Variants in DLG2 observed in about 807,000 individuals in gnomAD.
DLG2 encodes the protein discs large MAGUK scaffold protein 2.
DLG2 carries 45 observed loss-of-function variants against 132.5 expected under a neutral mutation model. The ratio of observed to expected loss-of-function variants is 0.34; its 90% CI spans 0.27 to 0.44. The LOEUF (loss-of-function observed/expected upper bound fraction) is 0.44, where lower values mean the gene tolerates loss of function less well. Among genes scored for constraint, DLG2 ranks in the 20% least tolerant of loss-of-function variants. The pLI is 1.00. For synonymous variants in DLG2, 424 were observed against 419.6 expected (o/e 1.01, Z -0.13); for missense variants, 1,045 against 1,196.9 (o/e 0.87, Z 1.87).
In DLG2 at chr11:84,176,452, A is replaced by G. The variant is rs377508763; in HGVS notation, c.574-12941T>C. Among the ~76,000 whole-genome samples the G allele has an allele frequency of 2.7e-4, 41 of 151,326 alleles. No individual in the cohort carries two copies. In the East Asian group the frequency reaches 7.2e-3, roughly 26 times the overall value. On this transcript the variant is annotated intron_variant, in intron 8 of 27. Coordinates refer to ENST00000376104, the MANE Select transcript of DLG2 (RefSeq NM_001142699.3). ...TACATATATTCACATACGTATATGC[A>G]CGGGGCAGTTGTGTTCAATATTCAT... is the stretch of plus-strand genomic sequence containing the variant.
chr11:85,094,639 G>T (rs2069418844), intron 6 of DLG2, among the ~76,000 whole-genome samples: 1 of 152,190 alleles, frequency 6.6e-6, no homozygotes, highest in African/African-American at 2.4e-5. Flanking sequence ...GAGAATTAAA[G>T]AAACTTAGGG....
At chr11:84,446,122 T>A (rs921922716) in intron 7 of DLG2, among the ~76,000 whole-genome samples, 1 of 152,008 alleles carries the variant, frequency 6.6e-6, no homozygotes, top group African/African-American at 2.4e-5. Flanking sequence ...CTAATTACTA[T>A]TTTCTAATTT....
At chr11:84,540,492 G>C (rs1336047870) in intron 6 of DLG2, among the ~76,000 whole-genome samples, 2 of 152,124 alleles carry the variant, frequency 1.3e-5, no homozygotes, top group Non-Finnish European at 2.9e-5. Context: ...ACCACAATGA[G>C]ATACCATCTC....
At chr11:84,484,042 C>T (rs959009485) in intron 7 of DLG2, among the ~76,000 whole-genome samples, 14 of 152,208 alleles carry the variant, frequency 9.2e-5, no homozygotes, top group African/African-American at 3.1e-4. Context: ...AGGAGTCAGA[C>T]CATGAGGTCA....
chr11:83,517,272 G>A (rs1319812910), intron 21 of DLG2, among the ~76,000 whole-genome samples: 1 of 151,912 alleles, frequency 6.6e-6, no homozygotes. Flanking sequence ...TCATTCATTT[G>A]ATCTTCCATC....
chr11:84,952,433 C>A (rs904194285), intron 6 of DLG2, among the ~76,000 whole-genome samples: 1 of 152,074 alleles, frequency 6.6e-6, no homozygotes, highest in Non-Finnish European at 1.5e-5. Context: ...AGGAGAATGG[C>A]GTGAACCCGG....
intron 22 of DLG2, 106 bp downstream of exon 22, chr11:83,484,023 T>C: frequency 1.2e-6 from 1 of 868,354 alleles, no homozygotes. Context: ...GCCTGCTGTG[T>C]TGTTTGCCTA....
At chr11:85,526,761 C>T (rs2074785744) in intron 3 of DLG2, among the ~76,000 whole-genome samples, 1 of 152,248 alleles carries the variant, frequency 6.6e-6, no homozygotes, top group South Asian at 2.1e-4. Context: ...AGAAGATCAC[C>T]TTCCTTCTCT....
At chr11:85,393,758 T>C (rs2087023105) in intron 3 of DLG2, among the ~76,000 whole-genome samples, 1 of 152,002 alleles carries the variant, frequency 6.6e-6, no homozygotes, top group African/African-American at 2.4e-5. Flanking sequence ...TTTATGTATA[T>C]ATGTGGATGG....
At chr11:84,900,382 T>G (rs1205736669) in intron 6 of DLG2, among the ~76,000 whole-genome samples, 1 of 152,064 alleles carries the variant, frequency 6.6e-6, no homozygotes, top group African/African-American at 2.4e-5. Context: ...TATTATGTGT[T>G]AAACTCTAAC....
Position 84,502,633 on chromosome 11 carries a change from C to T in DLG2, c.519+31937G>A, listed in dbSNP as rs928723924. On this transcript the variant is annotated intron_variant, in intron 7 of 27. Transcript: ENST00000376104. ...GGCTAATTTCGAACTCCTGGCCTGA[C>T]ATGATCCACCTGCCTCAGCCTCCCA... Among the ~76,000 whole-genome samples, 6 of 151,754 alleles carry T rather than the reference C, an allele frequency of 4.0e-5. No homozygotes were observed. In the South Asian group the frequency reaches 1.0e-3, roughly 26 times the overall value.
intron 3 of DLG2, among the ~76,000 whole-genome samples, chr11:85,302,824 A>C (rs942715948): frequency 6.6e-6 from 1 of 151,630 alleles, no homozygotes; most frequent in Non-Finnish European, 1.5e-5. Flanking sequence ...TAACAAGAAC[A>C]ATCATAATAA....
chr11:84,205,744 A>C (rs2096657474), intron 8 of DLG2, among the ~76,000 whole-genome samples: 1 of 152,136 alleles, frequency 6.6e-6, no homozygotes, highest in African/African-American at 2.4e-5. Flanking sequence ...ATGGAAATCA[A>C]AAAAGATCAA....
At chr11:84,893,236 C>T (rs2089691440) in intron 6 of DLG2, among the ~76,000 whole-genome samples, 1 of 152,262 alleles carries the variant, frequency 6.6e-6, no homozygotes, top group Non-Finnish European at 1.5e-5. Flanking sequence ...AGGGGATGTG[C>T]CCATCTGGTG....
intron 6 of DLG2, among the ~76,000 whole-genome samples, chr11:84,921,696 T>C (rs899021582): frequency 1.3e-5 from 2 of 152,102 alleles, no homozygotes; most frequent in African/African-American, 4.8e-5. Context: ...AAAGTACTTT[T>C]CTCCTTTCAA....
At chr11:85,287,389 A>G (rs914935283) in intron 3 of DLG2, among the ~76,000 whole-genome samples, 1 of 152,126 alleles carries the variant, frequency 6.6e-6, no homozygotes, top group African/African-American at 2.4e-5. Flanking sequence ...AGTAAAAGAA[A>G]TACATGTCAC....
chr11:84,189,278 A>G (rs754850678), intron 8 of DLG2, among the ~76,000 whole-genome samples: 3 of 152,218 alleles, frequency 2.0e-5, no homozygotes, highest in Non-Finnish European at 2.9e-5. Flanking sequence ...ACAATGAAAT[A>G]CCATCTCACA....
chr11:84,504,375 C>T (rs919046130), intron 7 of DLG2, among the ~76,000 whole-genome samples: 29 of 152,146 alleles, frequency 1.9e-4, no homozygotes, highest in African/African-American at 7.0e-4. Context: ...AAGTGTTTGG[C>T]TTATTAGAAC....
At chr11:85,278,071 C>T (rs1397863405) in intron 4 of DLG2, among the ~76,000 whole-genome samples, 1 of 152,172 alleles carries the variant, frequency 6.6e-6, no homozygotes, top group Non-Finnish European at 1.5e-5. Flanking sequence ...TCTTACTACT[C>T]TCAGCTCCCC....
Sources: allele counts gnomAD v4.1 joint callset (sites outside exome capture counted in the v4.1 genomes callset), GRCh38; gene constraint gnomAD v4.1.1; transcripts MANE v1.5; gene names NCBI Gene and HGNC (gene_info 2026-07-23, HGNC 2026-07-21).